Variants in MYO3A observed in about 807,000 individuals in gnomAD.
MYO3A encodes the protein myosin-IIIa.
In MYO3A, 180 loss-of-function variants were observed where a neutral mutation model predicts 192.7. The observed-to-expected ratio is 0.93, with a 90% CI of 0.83 to 1.06. The LOEUF (loss-of-function observed/expected upper bound fraction) is 1.06. Among genes scored for constraint, MYO3A ranks in the 50% least tolerant of loss-of-function variants. The pLI, the probability that MYO3A is intolerant of heterozygous loss-of-function variation, is 0.00. For synonymous variants in MYO3A, 628 were observed against 645.3 expected (o/e 0.97, Z 0.41); for missense variants, 1,896 against 1,905.0 (o/e 1.00, Z 0.09).
At chr10:25,981,291 T>C (rs1040145517) in intron 4 of MYO3A, among the ~76,000 whole-genome samples, 8 of 151,996 alleles carry the variant, frequency 5.3e-5, no homozygotes, top group Admixed American at 5.2e-4. Context: ...TCACACTATA[T>C]ACAAAAATTA....
At chr10:25,972,821 C>T (rs1034084082) in intron 4 of MYO3A, among the ~76,000 whole-genome samples, 2 of 152,080 alleles carry the variant, frequency 1.3e-5, no homozygotes, top group African/African-American at 4.8e-5. Context: ...AGTTATTAGG[C>T]TCCACTAATT....
chr10:26,034,210 A>AT (rs1842927200), intron 10 of MYO3A, among the ~76,000 whole-genome samples: 1 of 152,166 alleles, frequency 6.6e-6, no homozygotes, highest in African/African-American at 2.4e-5. Context: ...AAAATATGGT[A>AT]TTTTTTTGAA....
At chr10:25,960,514 TAAAC>T (rs57130224) in intron 4 of MYO3A, among the ~76,000 whole-genome samples, 2,765 of 152,244 alleles carry the variant, frequency 0.018, 93 homozygotes, top group African/African-American at 0.063. Context: ...ACTGATAACA[TAAAC>T]AGTCAATTAA....
At chr10:25,952,054 C>T in intron 2 of MYO3A, 40 bp from the exon 3 acceptor site, 1 of 1,480,156 alleles carries the variant, frequency 6.8e-7, no homozygotes, top group Non-Finnish European at 9.4e-7. Context: ...ATTTGATATC[C>T]TCAATCAACT....
At chr10:26,047,730 G>A (rs181614832) in intron 10 of MYO3A, among the ~76,000 whole-genome samples, 9,224 of 151,916 alleles carry the variant, frequency 0.061, 364 homozygotes, top group Non-Finnish European at 0.088. Context: ...AGCCGAGATT[G>A]CACCACTGCA....
chr10:26,122,751 C>T (rs1448288023), intron 18 of MYO3A, among the ~76,000 whole-genome samples: 1 of 152,062 alleles, frequency 6.6e-6, no homozygotes, highest in Non-Finnish European at 1.5e-5. Flanking sequence ...TCTCTTCCTG[C>T]TTAAATTTCT....
At chr10:26,208,261 T>C (rs1351498153) in intron 34 of MYO3A, among the ~76,000 whole-genome samples, 2 of 152,036 alleles carry the variant, frequency 1.3e-5, no homozygotes, top group South Asian at 2.1e-4. Flanking sequence ...AGGTTTTAAT[T>C]ATGGCAAGAT....
At chr10:26,098,451 A>G (rs1466895132) in intron 17 of MYO3A, among the ~76,000 whole-genome samples, 1 of 152,114 alleles carries the variant, frequency 6.6e-6, no homozygotes, top group Non-Finnish European at 1.5e-5. Context: ...TTTTGTTGCC[A>G]TTGCTTTTGG....
intron 10 of MYO3A, among the ~76,000 whole-genome samples, chr10:26,059,193 T>G (rs1017026129): frequency 9.2e-5 from 11 of 120,034 alleles, no homozygotes; most frequent in African/African-American, 2.5e-4. Context: ...TTTTTGGTCT[T>G]ATTGCATTAG....
intron 4 of MYO3A, among the ~76,000 whole-genome samples, chr10:25,994,636 A>G (rs1401922105): frequency 2.0e-5 from 3 of 152,170 alleles, no homozygotes; most frequent in African/African-American, 7.2e-5. Context: ...ATGTTTTTGC[A>G]GTGGCTGGTA....
chr10:26,002,712 A>C (rs1349312698), intron 6 of MYO3A, among the ~76,000 whole-genome samples: 7 of 148,556 alleles, frequency 4.7e-5, no homozygotes, highest in Non-Finnish European at 1.0e-4. Flanking sequence ...TGGAGGAGGT[A>C]ATTGAAAAAG....
intron 4 of MYO3A, among the ~76,000 whole-genome samples, chr10:25,959,422 C>G (rs966446870): frequency 2.0e-5 from 3 of 152,140 alleles, no homozygotes; most frequent in African/African-American, 7.2e-5. Context: ...GCCACCTTCT[C>G]CTGAGCAGTC....
intron 31 of MYO3A, among the ~76,000 whole-genome samples, chr10:26,181,816 C>A (rs1842631083): frequency 6.7e-6 from 1 of 148,486 alleles, no homozygotes. Flanking sequence ...TATCATTGAC[C>A]CAGTAAACTC....
chr10:26,145,616 A>T, intron 22 of MYO3A, 82 bp downstream of exon 22: 1 of 1,067,886 alleles, frequency 9.4e-7, no homozygotes. Context: ...TTATGGCCCA[A>T]AATGTTTATA....
At chr10:26,092,780 C>T (rs931073973) in intron 15 of MYO3A, among the ~76,000 whole-genome samples, 1 of 152,190 alleles carries the variant, frequency 6.6e-6, no homozygotes, top group South Asian at 2.1e-4. Flanking sequence ...TTGCAAGACC[C>T]CATGTCTGTC....
At chr10:26,194,918 C>G (rs187902258) in intron 32 of MYO3A, among the ~76,000 whole-genome samples, 7 of 152,312 alleles carry the variant, frequency 4.6e-5, no homozygotes, top group African/African-American at 1.7e-4. Flanking sequence ...CACACACATA[C>G]ACATCCATAC....
intron 6 of MYO3A, among the ~76,000 whole-genome samples, chr10:26,011,967 T>C (rs1242166118): frequency 6.6e-6 from 1 of 152,220 alleles, no homozygotes; most frequent in Non-Finnish European, 1.5e-5. Flanking sequence ...ATAACTGTAA[T>C]GAATCACATA....
intron 10 of MYO3A, among the ~76,000 whole-genome samples, chr10:26,050,284 A>G (rs1391617570): frequency 2.0e-5 from 3 of 152,158 alleles, no homozygotes; most frequent in African/African-American, 7.2e-5. Flanking sequence ...TTATACTTGG[A>G]AAAAATCAAT....
At chr10:26,036,223 G>C (rs58866145) in intron 10 of MYO3A, among the ~76,000 whole-genome samples, 43 of 152,140 alleles carry the variant, frequency 2.8e-4, no homozygotes, top group African/African-American at 9.9e-4. Flanking sequence ...ACAGGCGTGA[G>C]CCACTGCGCC....
Sources: gnomAD v4.1 joint callset for allele counts (sites outside exome capture counted in the v4.1 genomes callset) on GRCh38, gnomAD v4.1.1 for gene constraint, MANE v1.5 for transcripts, NCBI Gene and HGNC (gene_info 2026-07-23, HGNC 2026-07-21) for gene names.